DCC: variants seen among roughly 807,000 people sequenced by gnomAD.
DCC encodes DCC netrin 1 receptor.
Under a neutral mutation model 172.5 loss-of-function variants are expected in DCC, and 58 were observed. The observed-to-expected ratio is 0.34, with a 90% confidence interval of 0.27 to 0.42. DCC has a LOEUF of 0.42. Ranked by LOEUF, DCC falls within the 10% of genes least tolerant of loss-of-function variation. DCC has a pLI of 1.00. For synonymous variants in DCC, 709 were observed against 644.5 expected (o/e 1.10, Z -1.52); for missense variants, 1,740 against 1,791.0 (o/e 0.97, Z 0.51).
intron 1 of DCC, among the ~76,000 whole-genome samples, chr18:52,668,131 G>T (rs971499229): frequency 6.6e-6 from 1 of 152,140 alleles, no homozygotes; most frequent in African/African-American, 2.4e-5. Context: ...GTCAGGCAGA[G>T]ATATTTGCAT....
intron 7 of DCC, among the ~76,000 whole-genome samples, chr18:53,137,699 C>T (rs910616832): frequency 6.6e-6 from 1 of 151,984 alleles, no homozygotes; most frequent in African/African-American, 2.4e-5. Context: ...ATAGAGGACC[C>T]TTGAAATAAG....
chr18:52,978,122 G>A (rs1368094806), intron 5 of DCC, among the ~76,000 whole-genome samples: 1 of 151,982 alleles, frequency 6.6e-6, no homozygotes, highest in African/African-American at 2.4e-5. Context: ...ATCACTCTAA[G>A]TGCTTCCGAG....
intron 15 of DCC, among the ~76,000 whole-genome samples, chr18:53,382,550 G>A (rs767140124): frequency 6.6e-6 from 1 of 151,928 alleles, no homozygotes; most frequent in Non-Finnish European, 1.5e-5. Context: ...GCATTCATAA[G>A]CTATATCACA....
At chr18:53,136,253 A>G (rs2043741019) in intron 7 of DCC, among the ~76,000 whole-genome samples, 1 of 151,910 alleles carries the variant, frequency 6.6e-6, no homozygotes, top group Non-Finnish European at 1.5e-5. Context: ...ATATATACAC[A>G]CACATACATA....
intron 24 of DCC, among the ~76,000 whole-genome samples, chr18:53,466,355 C>A (rs2045621034): frequency 6.6e-6 from 1 of 152,168 alleles, no homozygotes; most frequent in Admixed American, 6.5e-5. Context: ...CCTCTTCTCT[C>A]TTCTATACAG....
intron 1 of DCC, among the ~76,000 whole-genome samples, chr18:52,497,633 C>T (rs2030854155): frequency 6.6e-6 from 1 of 151,928 alleles, no homozygotes; most frequent in African/African-American, 2.4e-5. Flanking sequence ...AAGAGAATTG[C>T]TATTAGTAGT....
At chr18:52,946,270 ATCCATC>A (rs2040543588) in intron 5 of DCC, among the ~76,000 whole-genome samples, 1 of 152,180 alleles carries the variant, frequency 6.6e-6, no homozygotes, top group African/African-American at 2.4e-5. Flanking sequence ...CAGCCTATTA[ATCCATC>A]TCTGTAATTC....
chr18:52,681,265 T>C (rs2035746079), intron 1 of DCC, among the ~76,000 whole-genome samples: 1 of 152,062 alleles, frequency 6.6e-6, no homozygotes, highest in Non-Finnish European at 1.5e-5. Context: ...CATTTTTTTC[T>C]CACTGTACCC....
chr18:52,853,918 C>A (rs1568146770), intron 2 of DCC, among the ~76,000 whole-genome samples: 1 of 152,154 alleles, frequency 6.6e-6, no homozygotes, highest in Non-Finnish European at 1.5e-5. Context: ...AGGCAGGAGT[C>A]ATAGTTGATA....
At chr18:52,559,004 A>G (rs1240224962) in intron 1 of DCC, among the ~76,000 whole-genome samples, 1 of 152,176 alleles carries the variant, frequency 6.6e-6, no homozygotes, top group African/African-American at 2.4e-5. Context: ...AATTGTCTCG[A>G]TTTCTAACTA....
intron 12 of DCC, among the ~76,000 whole-genome samples, chr18:53,284,467 C>T (rs2056912059): frequency 1.3e-5 from 2 of 152,262 alleles, no homozygotes; most frequent in Admixed American, 6.5e-5. Context: ...TGCACAAGTT[C>T]TCTTCTCTTG....
Position 52,658,429 on chromosome 18 carries a change from A to G in DCC, c.92-93625A>G, listed in dbSNP as rs575176115. Among the ~76,000 whole-genome samples, 20 of 152,314 alleles carry G rather than the reference A, an allele frequency of 1.3e-4. No individual in the cohort carries two copies. In the East Asian group the frequency reaches 3.9e-3, roughly 29 times the overall value. On this transcript the variant is annotated intron_variant, in intron 1 of 28. Transcript: ENST00000442544. The stretch of plus-strand genomic sequence containing the variant: ...TTTTTACATAAAACTTTTAATCTAA[A>G]TAACCCTGGGCACATTATGGGCCCC...
chr18:52,859,380 A>T (rs1231897327), intron 2 of DCC, among the ~76,000 whole-genome samples: 6 of 152,222 alleles, frequency 3.9e-5, no homozygotes, highest in Non-Finnish European at 7.3e-5. Flanking sequence ...ATACATATTT[A>T]TGAACATACA....
At chr18:52,588,455 G>A (rs892359684) in intron 1 of DCC, among the ~76,000 whole-genome samples, 7 of 152,182 alleles carry the variant, frequency 4.6e-5, no homozygotes, top group Non-Finnish European at 7.3e-5. Flanking sequence ...ATGGTAGACT[G>A]TGATAGATAT....
At chr18:52,831,509 G>A (rs886595688) in intron 2 of DCC, among the ~76,000 whole-genome samples, 3 of 152,116 alleles carry the variant, frequency 2.0e-5, no homozygotes, top group Non-Finnish European at 4.4e-5. Context: ...GGCAGCCGAA[G>A]TGTTGAGACG....
intron 2 of DCC, among the ~76,000 whole-genome samples, chr18:52,824,645 C>T (rs962360399): frequency 6.6e-6 from 1 of 152,058 alleles, no homozygotes; most frequent in Non-Finnish European, 1.5e-5. Context: ...TGACAGAACC[C>T]TTCATCTCAG....
chr18:53,231,341 A>G (rs1027022402), intron 12 of DCC, among the ~76,000 whole-genome samples: 1 of 152,118 alleles, frequency 6.6e-6, no homozygotes, highest in Non-Finnish European at 1.5e-5. Flanking sequence ...ATGAAAAGTC[A>G]TAAATGATCA....
At chr18:52,890,313 G>A (rs1335316713) in intron 2 of DCC, among the ~76,000 whole-genome samples, 1 of 152,068 alleles carries the variant, frequency 6.6e-6, no homozygotes, top group Non-Finnish European at 1.5e-5. Flanking sequence ...TGGAGCCAGA[G>A]GGAGGCATAG....
At chr18:52,347,960 C>T (rs1022417821) in intron 1 of DCC, among the ~76,000 whole-genome samples, 2 of 152,054 alleles carry the variant, frequency 1.3e-5, no homozygotes, top group African/African-American at 4.8e-5. Context: ...TACCCATGTA[C>T]CCACTAGCAG....
Sources: allele counts gnomAD v4.1 joint callset (sites outside exome capture counted in the v4.1 genomes callset), GRCh38; gene constraint gnomAD v4.1.1; transcripts MANE v1.5; gene names NCBI Gene and HGNC (gene_info 2026-07-23, HGNC 2026-07-21).